Variants in CREB5 observed in about 807,000 individuals in gnomAD.
CREB5 encodes cyclic AMP-responsive element-binding protein 5.
Under a neutral mutation model 57.1 loss-of-function variants are expected in CREB5, and 19 were observed. The observed-to-expected ratio is 0.33, with a 90% CI of 0.23 to 0.49. The LOEUF (loss-of-function observed/expected upper bound fraction) is 0.49, where lower values mean the gene tolerates loss of function less well. Ranked by LOEUF, CREB5 falls within the 20% of genes least tolerant of loss-of-function variation. The pLI is 0.99. For missense variants in CREB5, 579 were observed against 671.6 expected (o/e 0.86, Z 1.52); for synonymous variants, 238 against 238.3 (o/e 1.00, Z 0.01).
rs184451908 is a variant in CREB5 at position 28,530,832 on chromosome 7, C to T, written c.291+23095C>T. ...CCCGCAGTCCTGCCTTTTATCCTGG[C>T]TGATGATGGAGGCCAGAGGAAAGGG... On this transcript the variant is annotated intron_variant, in intron 4 of 10. Coordinates refer to ENST00000357727, the MANE Select transcript of CREB5 (RefSeq NM_182898.4). 1.9e-3 allele frequency among the ~76,000 whole-genome samples: 295 copies of T among 152,314 alleles called. 1 individual carries two copies. The highest frequency in any genetic ancestry group is 6.8e-3 in the African/African-American group (281 of 41,560).
intron 7 of CREB5, among the ~76,000 whole-genome samples, chr7:28,739,357 C>A (rs1232043590): frequency 1.3e-5 from 2 of 152,114 alleles, no homozygotes; most frequent in African/African-American, 4.8e-5. Context: ...TGTTCAGTAG[C>A]GCTGGTCTCA....
rs1362199882 is a variant in CREB5, at chr7:28,570,465, T to C, written c.392T>C (p.Ile131Thr). Reference protein sequence around the residue: ...RLPNHDTNVVIQQAMPSPQSS... With the variant: ...RLPNHDTNVVTQQAMPSPQSS... ...CCCAACCATGACACCAACGTTGTGA[T>C]TCAGCAAGCCATGCCGTCGCCTCAG... The change falls in exon 5 of 11, where the codon ATT becomes ACT. Residue 131 changes from isoleucine to threonine, a missense_variant. Around this residue, in one of 3 missense-constraint regions of CREB5, gnomAD observed 459 missense variants for 515.7 expected, o/e 0.89. Coordinates refer to ENST00000357727, the MANE Select transcript of CREB5 (RefSeq NM_182898.4). 4 of 1,614,172 alleles carry C rather than the reference T, an allele frequency of 2.5e-6. No homozygotes were observed.
chr7:28,451,619 A>T (rs1365997730), intron 1 of CREB5, among the ~76,000 whole-genome samples: 3 of 152,078 alleles, frequency 2.0e-5, no homozygotes, highest in Non-Finnish European at 4.4e-5. Flanking sequence ...TACATAGTAC[A>T]TGTATGTGTA....
intron 1 of CREB5, among the ~76,000 whole-genome samples, chr7:28,448,927 C>T (rs926393481): frequency 6.6e-6 from 1 of 152,220 alleles, no homozygotes; most frequent in African/African-American, 2.4e-5. Flanking sequence ...GTTGTGACTT[C>T]TGCTTTGAGG....
rs557739909 is a variant in CREB5, at chr7:28,617,759, G to A, written c.464+47222G>A. On this transcript the variant is annotated intron_variant, in intron 5 of 10. Transcript: ENST00000357727. Reference sequence around the variant, plus strand: ...ATAATAGAGGGGGAAAAAGAGCAGCGCTCTATTTTTAAAAAATCAGAGCCT... The same window carrying A: ...ATAATAGAGGGGGAAAAAGAGCAGCACTCTATTTTTAAAAAATCAGAGCCT... Among the ~76,000 whole-genome samples the A allele has an allele frequency of 2.0e-3, 305 of 152,270 alleles. 4 individuals are homozygous for A. The highest frequency in any genetic ancestry group is 7.2e-3 in the African/African-American group (300 of 41,560).
At chr7:28,734,227 AAAACAC>A (rs1803840978) in intron 7 of CREB5, among the ~76,000 whole-genome samples, 3 of 149,132 alleles carry the variant, frequency 2.0e-5, no homozygotes, top group Admixed American at 6.7e-5. Flanking sequence ...AAAAAAAAAA[AAAACAC>A]AAACAAAAAA....
chr7:28,391,577 A>G (rs1375507539), intron 1 of CREB5, among the ~76,000 whole-genome samples: 1 of 152,178 alleles, frequency 6.6e-6, no homozygotes, highest in African/African-American at 2.4e-5. Context: ...CTTTGCTGTG[A>G]TATAAGATCT....
At chr7:28,396,417 A>G (rs1787335746) in intron 1 of CREB5, among the ~76,000 whole-genome samples, 1 of 152,218 alleles carries the variant, frequency 6.6e-6, no homozygotes, top group African/African-American at 2.4e-5. Flanking sequence ...TTTATAATAA[A>G]ATATACAACT....
intron 1 of CREB5, among the ~76,000 whole-genome samples, chr7:28,342,505 A>G (rs1417223217): frequency 2.0e-5 from 3 of 152,240 alleles, no homozygotes; most frequent in African/African-American, 4.8e-5. Context: ...TCAATTAACA[A>G]ATGCTTGCAT....
chr7:28,395,123 T>C (rs758353918), intron 1 of CREB5, among the ~76,000 whole-genome samples: 14 of 152,192 alleles, frequency 9.2e-5, no homozygotes, highest in Non-Finnish European at 1.5e-4. Context: ...AAATCTTCCT[T>C]GGAAAATTGT....
chr7:28,819,093 G>C (rs372367270), intron 10 of CREB5, 23 bp from the exon 11 acceptor site: 1 of 1,607,572 alleles, frequency 6.2e-7, no homozygotes, highest in East Asian at 2.2e-5. Flanking sequence ...ATGTGTGTGT[G>C]TTGTCTTTTT....
In CREB5 at chr7:28,798,565, C is replaced by A. The variant is rs528109661; in HGVS notation, c.703-5634C>A. ...GCGGCCACACTCGGATGGGAGGAGG[C>A]GAATAGTTGGTTCCTTACCAAGAAC... On this transcript the variant is annotated intron_variant, in intron 7 of 10. Transcript: ENST00000357727. Among the ~76,000 whole-genome samples the A allele has an allele frequency of 3.3e-5, 5 of 152,274 alleles. No individual in the cohort carries two copies. The East Asian group carries it at 9.7e-4, about 29-fold the overall frequency.
chr7:28,344,233 G>A (rs10270580), intron 1 of CREB5, among the ~76,000 whole-genome samples: 7,663 of 152,116 alleles, frequency 0.05, 639 homozygotes, highest in African/African-American at 0.17. Flanking sequence ...CAAGACCAAT[G>A]TCATAAAGCA....
intron 7 of CREB5, chr7:28,724,792 G>C (rs1803242070): frequency 6.5e-6 from 1 of 152,756 alleles, no homozygotes; most frequent in Non-Finnish European, 1.5e-5. Flanking sequence ...TGTCAGAAGT[G>C]ACATTGATTT....
chr7:28,677,890 A>G (rs546530453), intron 5 of CREB5, among the ~76,000 whole-genome samples: 92 of 152,190 alleles, frequency 6.0e-4, no homozygotes, highest in Non-Finnish European at 1.1e-3. Context: ...CCCCATCTCT[A>G]AAAATGAAAG....
intron 3 of CREB5, among the ~76,000 whole-genome samples, chr7:28,505,435 C>T (rs147689320): frequency 0.012 from 1,779 of 152,172 alleles, 15 homozygotes; most frequent in Admixed American, 0.018. Context: ...TAAAGCTAAC[C>T]CATTATGGTG....
chr7:28,400,675 T>C (rs1787442516), intron 1 of CREB5, among the ~76,000 whole-genome samples: 1 of 152,184 alleles, frequency 6.6e-6, no homozygotes, highest in South Asian at 2.1e-4. Flanking sequence ...TTCCCAGATT[T>C]TAAATATTCT....
chr7:28,503,797 G>A (rs770772257), intron 3 of CREB5, among the ~76,000 whole-genome samples: 22 of 152,194 alleles, frequency 1.4e-4, no homozygotes, highest in Non-Finnish European at 3.1e-4. Flanking sequence ...GATTGACACA[G>A]TCCAGCATCA....
chr7:28,648,585 T>TA (rs1349918150), intron 5 of CREB5, among the ~76,000 whole-genome samples: 1 of 151,696 alleles, frequency 6.6e-6, no homozygotes, highest in Non-Finnish European at 1.5e-5. Context: ...CAAATAAAAA[T>TA]AAAAAAATTA....
Sources: allele counts gnomAD v4.1 joint callset (sites outside exome capture counted in the v4.1 genomes callset), GRCh38; gene constraint gnomAD v4.1.1; regional missense constraint gnomAD v4.1.1; transcripts MANE v1.5; gene names NCBI Gene and HGNC (gene_info 2026-07-23, HGNC 2026-07-21).